The following FARSB variants were observed in gnomAD, a reference collection of about 807,000 sequenced individuals.
FARSB encodes phenylalanine--tRNA ligase beta subunit.
In FARSB, 40 loss-of-function variants were observed where a neutral mutation model predicts 69.6. The observed-to-expected ratio is 0.57, with a 90% CI of 0.45 to 0.75. The LOEUF is 0.75. Ranked by LOEUF, FARSB falls within the 30% of genes least tolerant of loss-of-function variation. FARSB has a pLI of 0.00. For synonymous variants in FARSB, 235 were observed against 247.2 expected, an observed-to-expected ratio of 0.95 and a Z score of 0.46; for missense variants, 632 against 722.9, an observed-to-expected ratio of 0.87 and a Z score of 1.44.
At chr2:222,590,711 C>T (rs1234210675) in intron 16 of FARSB, among the ~76,000 whole-genome samples, 1 of 152,016 alleles carries the variant, frequency 6.6e-6, no homozygotes, top group Non-Finnish European at 1.5e-5. Flanking sequence ...GTTGTATTTA[C>T]AACTGGGAAT....
chr2:222,579,794 C>T (rs1016841027), intron 16 of FARSB, among the ~76,000 whole-genome samples: 2 of 152,208 alleles, frequency 1.3e-5, no homozygotes, highest in Non-Finnish European at 2.9e-5. Context: ...GCTCATCCAA[C>T]GTTGCTTTTC....
intron 16 of FARSB, among the ~76,000 whole-genome samples, chr2:222,584,465 A>G (rs1054950359): frequency 1.3e-5 from 2 of 152,160 alleles, no homozygotes; most frequent in Non-Finnish European, 2.9e-5. Flanking sequence ...TTTCCAACTG[A>G]GGTACCAGGT....
Position 222,642,933 on chromosome 2 carries a change from A to G in FARSB, c.187T>C (p.Tyr63His). The G allele has an allele frequency of 6.2e-7, 1 of 1,612,308 alleles. No homozygotes were observed. Among genetic ancestry groups the G allele is most frequent in the Non-Finnish European group, 8.5e-7 (1 of 1,178,416 alleles). Residue 63 changes from tyrosine to histidine, a missense_variant, in exon 3 of 17, where the codon TAC becomes CAC. By Grantham distance (83) the Tyr-to-His change is moderately conservative (BLOSUM62 2). Coordinates refer to ENST00000281828, the MANE Select transcript of FARSB (RefSeq NM_005687.5). ...CTATTGGCAGGGACGTCAATTTTGTAAAGAACAACATCAGAGGCTCCTGCT... is the reference window on the plus strand; with the variant it reads ...CTATTGGCAGGGACGTCAATTTTGTGAAGAACAACATCAGAGGCTCCTGCT... ...KAAGASDVVL[Y>H]KIDVPANRYD... is the part of the protein sequence containing the mutation.
intron 16 of FARSB, among the ~76,000 whole-genome samples, chr2:222,577,958 G>T (rs1689877199): frequency 6.6e-6 from 1 of 152,126 alleles, no homozygotes; most frequent in South Asian, 2.1e-4. Context: ...ACCTAAAGGA[G>T]GTCAGGAATG....
At position 222,614,647 on chromosome 2, in the gene FARSB, C is replaced by A. The variant is rs576281458; in HGVS notation, c.1345-719G>T. 6.6e-5 allele frequency among the ~76,000 whole-genome samples: 10 copies of A among 152,252 alleles called. No individual in the cohort carries two copies. In the East Asian group the frequency reaches 1.9e-3, roughly 29 times the overall value. ...AACACTTGAGGCTAGTAGTTCAAGA[C>A]CAGCACGGGCAACATAGCAAAACAC... On this transcript the variant is annotated intron_variant, in intron 14 of 16. Transcript: ENST00000281828.
chr2:222,638,268 G>A (rs565803383), intron 5 of FARSB, among the ~76,000 whole-genome samples: 84 of 152,174 alleles, frequency 5.5e-4, no homozygotes, highest in Non-Finnish European at 1.1e-3. Context: ...AAAGTATTAG[G>A]ATGTGTTCAA....
chr2:222,654,189 T>C (rs1248518571), intron 1 of FARSB, among the ~76,000 whole-genome samples: 1 of 152,180 alleles, frequency 6.6e-6, no homozygotes, highest in African/African-American at 2.4e-5. Context: ...AGACTGAGCA[T>C]TCCCAATCCA....
intron 15 of FARSB, among the ~76,000 whole-genome samples, chr2:222,603,639 T>C (rs1252007141): frequency 6.8e-5 from 10 of 147,962 alleles, no homozygotes; most frequent in Non-Finnish European, 1.5e-4. Context: ...TGGCTGGAGC[T>C]AATACGATTA....
At chr2:222,596,867 T>C (rs988883483) in intron 16 of FARSB, among the ~76,000 whole-genome samples, 4 of 152,182 alleles carry the variant, frequency 2.6e-5, no homozygotes, top group African/African-American at 9.7e-5. Flanking sequence ...TAATACCAAC[T>C]TTATTACTGA....
At chr2:222,615,227 G>A (rs557888789) in intron 14 of FARSB, among the ~76,000 whole-genome samples, 1 of 152,170 alleles carries the variant, frequency 6.6e-6, no homozygotes, top group Non-Finnish European at 1.5e-5. Flanking sequence ...TATTGTGAGA[G>A]TCTGGGCTCT....
chr2:222,600,076 A>T lies in FARSB; in HGVS notation c.1470T>A (p.Gly490=). The T allele has an allele frequency of 6.2e-7, 1 of 1,603,904 alleles. No individual in the cohort carries two copies. Among genetic ancestry groups the T allele is most frequent in the Non-Finnish European group, 8.5e-7 (1 of 1,177,560 alleles). ...IVIKDSNTDV[G]AKNYRHLCAV... is the part of the protein sequence containing the mutation. ...CACAGAGATGTCTGTAGTTTTTTGC[A>T]CCTACATCTAGAAAAATAAAGGAAC... Residue 490 remains glycine, a synonymous_variant, in exon 16 of 17, where the codon GGT becomes GGA. Transcript: ENST00000281828.
intron 16 of FARSB, among the ~76,000 whole-genome samples, chr2:222,578,235 G>A (rs1357031897): frequency 1.3e-5 from 2 of 152,126 alleles, no homozygotes; most frequent in Non-Finnish European, 2.9e-5. Context: ...GCCTTCTTGG[G>A]CCAACAAATG....
chr2:222,575,319 C>G (rs1559186597), intron 16 of FARSB, among the ~76,000 whole-genome samples: 1 of 152,140 alleles, frequency 6.6e-6, no homozygotes. Flanking sequence ...TGGGTGGTAG[C>G]CAAAGGCTAA....
chr2:222,573,048 G>A (rs1323452989), intron 16 of FARSB, among the ~76,000 whole-genome samples: 2 of 152,166 alleles, frequency 1.3e-5, no homozygotes, highest in Non-Finnish European at 2.9e-5. Flanking sequence ...GTGCATTATT[G>A]ATGAAAGAGT....
intron 14 of FARSB, among the ~76,000 whole-genome samples, chr2:222,614,256 T>C (rs1461053051): frequency 1.3e-5 from 2 of 152,220 alleles, no homozygotes; most frequent in Non-Finnish European, 2.9e-5. Flanking sequence ...TTCATTATTT[T>C]ATTTTTTCTT....
Position 222,634,530 on chromosome 2 carries a change from A to AT in FARSB, c.466_467insA (p.Leu156HisfsTer8), listed in dbSNP as rs774534048. The AT allele has an allele frequency of 6.2e-7, 1 of 1,612,140 alleles. No individual in the cohort carries two copies. Among genetic ancestry groups the AT allele is most frequent in the Non-Finnish European group, 8.5e-7 (1 of 1,179,082 alleles). On this transcript the variant is annotated frameshift_variant, in exon 6 of 17. Coordinates refer to ENST00000281828, the MANE Select transcript of FARSB (RefSeq NM_005687.5). LOFTEE classifies it high-confidence loss of function. ...CAAATCATGGGTACCAATGGCAACC[A>AT]GTGCTCTTTTCCTAATTGTTGAGAG... is the stretch of plus-strand genomic sequence containing the variant.
At chr2:222,580,700 G>C (rs954910495) in intron 16 of FARSB, among the ~76,000 whole-genome samples, 34 of 151,722 alleles carry the variant, frequency 2.2e-4, no homozygotes, top group African/African-American at 8.2e-4. Context: ...AAATTCCACT[G>C]GTAGGAAAAA....
At chr2:222,607,230 T>C (rs1690723250) in intron 15 of FARSB, among the ~76,000 whole-genome samples, 1 of 152,190 alleles carries the variant, frequency 6.6e-6, no homozygotes, top group Admixed American at 6.5e-5. Flanking sequence ...AATCCTTTTA[T>C]GAAGAGAATT....
chr2:222,585,565 C>T (rs1167782825), intron 16 of FARSB, among the ~76,000 whole-genome samples: 1 of 152,196 alleles, frequency 6.6e-6, no homozygotes, highest in Non-Finnish European at 1.5e-5. Context: ...TCGGTAATAA[C>T]AAACTTCTCT....
Sources: allele counts gnomAD v4.1 joint callset (sites outside exome capture counted in the v4.1 genomes callset), GRCh38; gene constraint gnomAD v4.1.1; transcripts MANE v1.5; gene names NCBI Gene and HGNC (gene_info 2026-07-23, HGNC 2026-07-21).